The following TBCK variants were observed in gnomAD, a reference collection of about 807,000 sequenced individuals.
The protein encoded by TBCK is TBC domain-containing protein kinase-like protein.
In TBCK, 99 loss-of-function variants were observed where a neutral mutation model predicts 113.4. That is an observed-to-expected ratio of 0.87 (90% CI 0.74 to 1.03). The LOEUF (loss-of-function observed/expected upper bound fraction) is 1.03. TBCK is among the 50% of genes least tolerant of loss of function. The pLI, the probability that TBCK is intolerant of heterozygous loss-of-function variation, is 0.00. For missense variants in TBCK, 1,045 were observed against 1,061.3 expected, an observed-to-expected ratio of 0.98 and a Z score of 0.21; for synonymous variants, 369 against 370.8, an observed-to-expected ratio of 1.00 and a Z score of 0.05.
At chr4:106,125,747 G>A (rs1211155020) in intron 23 of TBCK, among the ~76,000 whole-genome samples, 1 of 152,116 alleles carries the variant, frequency 6.6e-6, no homozygotes, top group East Asian at 1.9e-4. Context: ...TGGGGTGGAG[G>A]TGGTGGTGTT....
chr4:106,044,014 A>G lies in TBCK; in HGVS notation c.*2556T>C, dbSNP rs746800249. ...TTTACTGTTGAGAATATTAAATATT[A>G]TAATTTTCATGTTTAAAAAACTTCA... On this transcript the variant is annotated 3_prime_UTR_variant, in exon 26 of 26. Coordinates refer to ENST00000394708, the MANE Select transcript of TBCK (RefSeq NM_001163435.3). 3.3e-5 allele frequency: 5 copies of G among 152,230 alleles called. No individual in the cohort carries two copies. Among genetic ancestry groups the G allele is most frequent in the Non-Finnish European group, 5.9e-5 (4 of 68,038 alleles). 9.4% of individuals were successfully genotyped at this position (152,230 alleles called of 1,614,324 possible).
chr4:106,292,749 T>C (rs1020529387), intron 3 of TBCK, among the ~76,000 whole-genome samples: 3 of 152,118 alleles, frequency 2.0e-5, no homozygotes, highest in Non-Finnish European at 4.4e-5. Flanking sequence ...TTTAGAAAAA[T>C]AGTCACCACT....
At chr4:106,104,731 A>G (rs1741941426) in intron 24 of TBCK, among the ~76,000 whole-genome samples, 1 of 152,270 alleles carries the variant, frequency 6.6e-6, no homozygotes, top group African/African-American at 2.4e-5. Flanking sequence ...GACACTTGGT[A>G]TAGGTGCCTT....
At chr4:106,177,122 C>A (rs1359511633) in intron 22 of TBCK, among the ~76,000 whole-genome samples, 1 of 151,882 alleles carries the variant, frequency 6.6e-6, no homozygotes, top group East Asian at 1.9e-4. Context: ...CAAGTATACA[C>A]CATCACATCT....
chr4:106,191,849 A>C (rs1456384459), intron 22 of TBCK, among the ~76,000 whole-genome samples: 1 of 152,174 alleles, frequency 6.6e-6, no homozygotes, highest in Non-Finnish European at 1.5e-5. Context: ...TCTGAACAAC[A>C]TGAGTGTTTA....
chr4:106,082,409 G>T (rs1738989801), intron 25 of TBCK, among the ~76,000 whole-genome samples: 3 of 152,096 alleles, frequency 2.0e-5, no homozygotes, highest in Admixed American at 2.0e-4. Flanking sequence ...ACACACAGAA[G>T]GGAATAATAG....
chr4:106,261,275 T>G (rs1031946511), intron 4 of TBCK, among the ~76,000 whole-genome samples: 5 of 152,000 alleles, frequency 3.3e-5, no homozygotes, highest in Admixed American at 2.6e-4. Flanking sequence ...AATTTTCTAT[T>G]TTTGTGTTTG....
rs765352104 is a variant in TBCK at position 106,116,293 on chromosome 4, A to G, written c.2321T>C (p.Leu774Pro). Reference sequence around the variant, plus strand: ...TGTTTTGAAGTGGCCTGTCACTGTGAGCTCACACAAGTCAATCAGGTCCTC... The same window carrying G: ...TGTTTTGAAGTGGCCTGTCACTGTGGGCTCACACAAGTCAATCAGGTCCTC... ...SAEDLIDLCE[L>P]TVTGHFKTPS... The change falls in exon 24 of 26, where the codon CTC becomes CCC. Residue 774 changes from leucine to proline, a missense_variant. By Grantham distance (98) the Leu-to-Pro change is moderately conservative. Transcript: ENST00000394708. 3 of 1,614,048 alleles carry G rather than the reference A, an allele frequency of 1.9e-6. No homozygotes were observed. The South Asian group carries it at 3.3e-5, about 18-fold the overall frequency.
rs1766144639 is a variant in TBCK at position 106,295,099 on chromosome 4, A to T, written c.261T>A (p.Pro87=). Residue 87 remains proline (P), a synonymous_variant, in exon 3 of 26, where the codon CCT becomes CCA. Coordinates refer to ENST00000394708, the MANE Select transcript of TBCK (RefSeq NM_001163435.3). ...GTTCTGATACTATACAGTACCTCAC[A>T]GGTTTCCTTTCTCGAAGCAAGTCTT... ...SLEDLLRERK[P]VSCSTVLCIA... is the part of the protein sequence containing the mutation. The T allele has an allele frequency of 1.2e-6, 2 of 1,612,786 alleles. No individual in the cohort carries two copies. Among genetic ancestry groups the T allele is most frequent in the South Asian group, 2.2e-5 (2 of 90,924 alleles).
chr4:106,237,027 C>A (rs924405146), intron 12 of TBCK, among the ~76,000 whole-genome samples: 1 of 151,802 alleles, frequency 6.6e-6, no homozygotes, highest in African/African-American at 2.4e-5. Flanking sequence ...TTTTTCTTAT[C>A]TATAGGTATC....
chr4:106,271,773 A>C (rs567384234), intron 3 of TBCK, among the ~76,000 whole-genome samples: 11 of 151,618 alleles, frequency 7.3e-5, no homozygotes, highest in Non-Finnish European at 1.3e-4. Flanking sequence ...AAAACAAAAC[A>C]AAAAAACAAC....
In TBCK at chr4:106,250,074, C is replaced by T. The variant is rs540225512; in HGVS notation, c.658+344G>A. Among the ~76,000 whole-genome samples, 8 of 152,076 alleles carry T rather than the reference C, an allele frequency of 5.3e-5. No homozygotes were observed. In the South Asian group the frequency reaches 1.7e-3, roughly 31 times the overall value. The stretch of plus-strand genomic sequence containing the variant: ...CATGATTCATCAAATAGAAAGATAG[C>T]CCAAAAGTTAAGATACATTGTCTGA... On this transcript the variant is annotated intron_variant, in intron 7 of 25. Transcript: ENST00000394708.
chr4:106,228,757 C>T (rs1480434893), intron 19 of TBCK, among the ~76,000 whole-genome samples: 1 of 151,908 alleles, frequency 6.6e-6, no homozygotes, highest in Admixed American at 6.6e-5. Flanking sequence ...TGGGTATATA[C>T]CTAGCAGTAG....
In TBCK at chr4:106,242,507, T is replaced by C. The variant is rs758176816; in HGVS notation, c.1133A>G (p.Asp378Gly). The C allele has an allele frequency of 1.2e-6, 2 of 1,608,858 alleles. No homozygotes were observed. The highest frequency in any genetic ancestry group is 1.7e-5 in the Admixed American group (1 of 59,394). ...GCATAACGACAATGTCACAGTGGTA[T>C]CATCTAAAAGCGAGCTTCTATCTCG... ...QGRDRSSLLD[D>G]TTVTLSLCQL... The change falls in exon 12 of 26, where the codon GAT (aspartate) becomes GGT (glycine). Residue 378 changes from aspartate to glycine, a missense_variant. Coordinates refer to ENST00000394708, the MANE Select transcript of TBCK (RefSeq NM_001163435.3).
intron 22 of TBCK, among the ~76,000 whole-genome samples, chr4:106,188,357 C>T (rs970335832): frequency 1.3e-5 from 2 of 152,124 alleles, no homozygotes; most frequent in Admixed American, 1.3e-4. Context: ...AGGTTAATTA[C>T]TTTTAATCTA....
At chr4:106,271,443 A>G (rs1763470699) in intron 3 of TBCK, among the ~76,000 whole-genome samples, 2 of 152,110 alleles carry the variant, frequency 1.3e-5, no homozygotes. Context: ...GATGGTAGCT[A>G]ATTTAGCTCA....
chr4:106,260,796 C>A (rs1234233002), intron 4 of TBCK, among the ~76,000 whole-genome samples: 1 of 151,810 alleles, frequency 6.6e-6, no homozygotes, highest in Non-Finnish European at 1.5e-5. Flanking sequence ...GTTACATTGT[C>A]TAGTTATTTC....
chr4:106,173,532 T>A (rs924004801), intron 22 of TBCK, among the ~76,000 whole-genome samples: 2 of 152,106 alleles, frequency 1.3e-5, no homozygotes, highest in Admixed American at 6.6e-5. Flanking sequence ...GAGTCAGTGA[T>A]CTAGAGTAAA....
intron 25 of TBCK, among the ~76,000 whole-genome samples, chr4:106,087,621 C>G (rs879668130): frequency 5.9e-5 from 9 of 152,136 alleles, no homozygotes; most frequent in African/African-American, 1.9e-4. Context: ...CCCATATAGG[C>G]AAGACAATCC....
Sources: gnomAD v4.1 joint callset for allele counts (sites outside exome capture counted in the v4.1 genomes callset) on GRCh38, gnomAD v4.1.1 for gene constraint, MANE v1.5 for transcripts, NCBI Gene and HGNC (gene_info 2026-07-23, HGNC 2026-07-21) for gene names.